Variants in KCNH1 observed in about 807,000 individuals in gnomAD.
KCNH1 encodes the protein potassium voltage-gated channel subfamily H member 1.
A neutral mutation model predicts 69.2 loss-of-function variants in KCNH1; 27 were observed. The ratio of observed to expected loss-of-function variants is 0.39; its 90% CI spans 0.29 to 0.54. KCNH1 has a LOEUF of 0.54. KCNH1 is among the 20% of genes least tolerant of loss of function. The probability of loss-of-function intolerance (pLI) is 0.68; values close to 1 mark genes in which losing one functional copy is unlikely to be tolerated. For synonymous variants in KCNH1, 456 were observed against 487.7 expected (o/e 0.93, Z 0.86); for missense variants, 798 against 1,261.6 (o/e 0.63, Z 5.57).
At chr1:210,979,220 G>A (rs1688668867) in intron 6 of KCNH1, among the ~76,000 whole-genome samples, 1 of 152,180 alleles carries the variant, frequency 6.6e-6, no homozygotes, top group Non-Finnish European at 1.5e-5. Context: ...GCTGTAGTAG[G>A]AGGAGGGAAA....
At chr1:210,968,722 T>C (rs1287659809) in intron 6 of KCNH1, among the ~76,000 whole-genome samples, 1 of 152,092 alleles carries the variant, frequency 6.6e-6, no homozygotes, top group Non-Finnish European at 1.5e-5. Flanking sequence ...GTTGTTTGTT[T>C]TTTTCTTGTA....
At chr1:211,100,037 A>G (rs1197468173) in intron 3 of KCNH1, among the ~76,000 whole-genome samples, 1 of 151,698 alleles carries the variant, frequency 6.6e-6, no homozygotes, top group Non-Finnish European at 1.5e-5. Flanking sequence ...ATTTCTTTTC[A>G]TTTCTTTTTT....
At chr1:211,123,468 A>C (rs1691723425) in intron 1 of KCNH1, among the ~76,000 whole-genome samples, 1 of 152,218 alleles carries the variant, frequency 6.6e-6, no homozygotes, top group African/African-American at 2.4e-5. Flanking sequence ...AAAGACAGGC[A>C]GATGGGCAGA....
intron 5 of KCNH1, among the ~76,000 whole-genome samples, chr1:211,070,242 C>A (rs144556411): frequency 0.017 from 2,526 of 151,412 alleles, 70 homozygotes; most frequent in African/African-American, 0.056. Context: ...CACAGTGAAA[C>A]CCCGTCTCTA....
intron 5 of KCNH1, among the ~76,000 whole-genome samples, chr1:211,031,165 C>A (rs1032501672): frequency 1.3e-5 from 2 of 152,148 alleles, no homozygotes; most frequent in African/African-American, 4.8e-5. Flanking sequence ...AATTCCTCGA[C>A]ACATACACCT....
chr1:210,918,666 C>T (rs962042291), intron 7 of KCNH1, among the ~76,000 whole-genome samples: 9 of 152,156 alleles, frequency 5.9e-5, no homozygotes, highest in African/African-American at 1.9e-4. Flanking sequence ...AAAGTTACTC[C>T]AATAACCTAT....
At chr1:210,735,238 G>A (rs1682846210) in intron 10 of KCNH1, among the ~76,000 whole-genome samples, 1 of 152,060 alleles carries the variant, frequency 6.6e-6, no homozygotes, top group Non-Finnish European at 1.5e-5. Context: ...GAGCCCCCCT[G>A]CCTCCATAGA....
intron 6 of KCNH1, among the ~76,000 whole-genome samples, chr1:210,934,125 G>A (rs1411037991): frequency 6.6e-6 from 1 of 152,124 alleles, no homozygotes; most frequent in African/African-American, 2.4e-5. Context: ...ATTAGTCTGG[G>A]AAAAGATTTT....
chr1:211,017,823 G>A (rs12080732), intron 6 of KCNH1, among the ~76,000 whole-genome samples: 10,083 of 152,178 alleles, frequency 0.066, 871 homozygotes, highest in African/African-American at 0.2. Flanking sequence ...CAATTGAAAA[G>A]AGTTGCTATA....
At chr1:210,695,233 C>G (rs560177126) in intron 10 of KCNH1, among the ~76,000 whole-genome samples, 17 of 152,326 alleles carry the variant, frequency 1.1e-4, no homozygotes, top group African/African-American at 3.8e-4. Context: ...AAGTCCTTTA[C>G]TTTATCCAGC....
At chr1:210,753,235 G>C (rs1558455186) in intron 10 of KCNH1, among the ~76,000 whole-genome samples, 1 of 152,164 alleles carries the variant, frequency 6.6e-6, no homozygotes, top group Admixed American at 6.5e-5. Flanking sequence ...GGACATGGGA[G>C]GGAGATATCA....
At position 210,683,436 on chromosome 1, in the gene KCNH1, C is replaced by A; in HGVS notation, c.2815G>T (p.Ala939Ser). ...ATATTGGTCATTTTGGCGTTTAAGG[C>A]CTTGATGTCCTCCTTCAGCTCGTGC... ...VRHELKEDIKALNAKMTNIEK... is the reference protein window; with the variant it reads ...VRHELKEDIKSLNAKMTNIEK... The change falls in exon 11 of 11, where the codon GCC becomes TCC. Residue 939 changes from alanine to serine, a missense_variant. Ala to Ser is a moderately conservative substitution (Grantham distance 99). Around this residue, in one of 4 missense-constraint regions of KCNH1, gnomAD observed 331 missense variants for 363.2 expected, o/e 0.91. Coordinates refer to ENST00000271751, the MANE Select transcript of KCNH1 (RefSeq NM_172362.3). This position sits in a 1 kb window ranked among gnomAD's most constrained non-coding sequence, Gnocchi z 5.7. 6.2e-7 allele frequency: 1 copy of A among 1,614,094 alleles called. No homozygotes were observed. The highest frequency in any genetic ancestry group is 8.5e-7 in the Non-Finnish European group (1 of 1,180,032).
chr1:210,812,243 A>G (rs1461029861), intron 7 of KCNH1, among the ~76,000 whole-genome samples: 1 of 152,178 alleles, frequency 6.6e-6, no homozygotes, highest in African/African-American at 2.4e-5. Flanking sequence ...TGAAAAGAAA[A>G]AGTGACTTAC....
chr1:211,110,149 G>GT lies in KCNH1; in HGVS notation c.80-2773dup, dbSNP rs527683769. 2.9e-3 allele frequency among the ~76,000 whole-genome samples: 436 copies of GT among 152,220 alleles called. 3 individuals are homozygous for GT. The highest frequency in any genetic ancestry group is 0.01 in the African/African-American group (422 of 41,562). Reference sequence around the variant, plus strand: ...CTCTTTAAAATTAAAACAATAAAATGTGAGTGTATAATGAAGATATTTTCA... The same window carrying GT: ...CTCTTTAAAATTAAAACAATAAAATGTTGAGTGTATAATGAAGATATTTTCA... On this transcript the variant is annotated intron_variant, in intron 1 of 10. Transcript: ENST00000271751.
intron 5 of KCNH1, among the ~76,000 whole-genome samples, chr1:211,066,180 CTTTAGT>C (rs1354174645): frequency 6.6e-6 from 1 of 152,018 alleles, no homozygotes; most frequent in Non-Finnish European, 1.5e-5. Context: ...TTATATACGT[CTTTAGT>C]TTTAAAGTCT....
At chr1:211,031,423 G>T (rs537072594) in intron 5 of KCNH1, among the ~76,000 whole-genome samples, 2 of 152,030 alleles carry the variant, frequency 1.3e-5, no homozygotes, top group Middle Eastern at 3.2e-3. Flanking sequence ...TACCAAAGCC[G>T]GACAGAGACA....
chr1:210,847,577 T>G (rs1685585282), intron 7 of KCNH1, among the ~76,000 whole-genome samples: 7 of 107,130 alleles, frequency 6.5e-5, no homozygotes, highest in Admixed American at 9.4e-5. Flanking sequence ...ACGGGGCCTG[T>G]TGTGGGGTGG....
At chr1:211,031,564 G>A (rs1464380635) in intron 5 of KCNH1, among the ~76,000 whole-genome samples, 1 of 152,132 alleles carries the variant, frequency 6.6e-6, no homozygotes, top group Admixed American at 6.6e-5. Context: ...ATGAAACCAT[G>A]ATCAAGTGGG....
Position 210,931,999 on chromosome 1 carries a change from A to G in KCNH1, c.1033-11930T>C, listed in dbSNP as rs571774543. ...GACACCATTAAGTTAATAAATTTTT[A>G]CATTATGTAAATTCAAGAAGGTGAA... On this transcript the variant is annotated intron_variant, in intron 6 of 10. Transcript: ENST00000271751. 1.8e-4 allele frequency among the ~76,000 whole-genome samples: 27 copies of G among 152,276 alleles called. No homozygotes were observed. In the East Asian group the frequency reaches 5.0e-3, roughly 28 times the overall value.
Sources: gnomAD v4.1 joint callset for allele counts (sites outside exome capture counted in the v4.1 genomes callset) on GRCh38, gnomAD v4.1.1 for gene constraint, gnomAD v4.1.1 regional missense constraint, Gnocchi (gnomAD v3.1) non-coding constraint, MANE v1.5 for transcripts, NCBI Gene and HGNC (gene_info 2026-07-23, HGNC 2026-07-21) for gene names.